The following ELOC variants were observed in gnomAD, a reference collection of about 807,000 sequenced individuals.
ELOC encodes the protein elongin-C.
For missense variants in ELOC, 38 were observed against 139.0 expected (o/e 0.27, Z 3.65); for synonymous variants, 40 against 51.3 (o/e 0.78, Z 0.94).
In ELOC at chr8:73,969,319, C is replaced by A. The variant is rs185242156; in HGVS notation, c.-51+2758G>T. 5.3e-4 allele frequency among the ~76,000 whole-genome samples: 80 copies of A among 151,806 alleles called. 1 individual carries two copies. Among genetic ancestry groups the A allele is most frequent in the Non-Finnish European group, 9.4e-4 (64 of 67,892 alleles). ...TATTCAAAAAACATTTTTTTTTGTT[C>A]GTTTTGTTCCTGGGAAGAAAGCAAA... On this transcript the variant is annotated intron_variant, in intron 1 of 3. Transcript: ENST00000520242.
At chr8:73,950,968 C>G (rs1202584129) in intron 3 of ELOC, among the ~76,000 whole-genome samples, 2 of 152,180 alleles carry the variant, frequency 1.3e-5, no homozygotes, top group African/African-American at 2.4e-5. Flanking sequence ...GATAATGACA[C>G]AACTTAAGAT....
chr8:73,949,224 T>C (rs1397419203), intron 3 of ELOC, among the ~76,000 whole-genome samples: 1 of 152,240 alleles, frequency 6.6e-6, no homozygotes, highest in East Asian at 1.9e-4. Flanking sequence ...GGGGGTATAC[T>C]GTAGCAGGGA....
intron 1 of ELOC, among the ~76,000 whole-genome samples, chr8:73,964,979 G>A (rs1467295269): frequency 7.0e-6 from 1 of 143,116 alleles, no homozygotes; most frequent in Non-Finnish European, 1.5e-5. Flanking sequence ...AGCAGGCCAT[G>A]ATGGTTCCAC....
At chr8:73,951,681 A>AC (rs1554594049) in intron 3 of ELOC, among the ~76,000 whole-genome samples, 27 of 145,918 alleles carry the variant, frequency 1.9e-4, no homozygotes, top group African/African-American at 4.6e-4. Context: ...AACAACAACA[A>AC]AACAACAGAC....
intron 1 of ELOC, among the ~76,000 whole-genome samples, chr8:73,962,049 C>T (rs1174898767): frequency 6.6e-6 from 1 of 151,756 alleles, no homozygotes; most frequent in Non-Finnish European, 1.5e-5. Flanking sequence ...GTGCATGGGA[C>T]CATGTCCAGC....
rs534068564 is a variant in ELOC, at chr8:73,967,654, A to C, written c.-51+4423T>G. Among the ~76,000 whole-genome samples, 21 of 152,134 alleles carry C rather than the reference A, an allele frequency of 1.4e-4. 1 individual carries two copies. The South Asian group carries it at 4.4e-3, about 32-fold the overall frequency. Reference sequence around the variant, plus strand: ...AGCTAATTATTTGTATTTTTAGTGGAGACAGGGTTTCACCATTTGGTCAGG... The same window carrying C: ...AGCTAATTATTTGTATTTTTAGTGGCGACAGGGTTTCACCATTTGGTCAGG... On this transcript the variant is annotated intron_variant, in intron 1 of 3. Transcript: ENST00000520242.
intron 1 of ELOC, among the ~76,000 whole-genome samples, chr8:73,968,174 C>A (rs1046022714): frequency 2.6e-5 from 4 of 152,210 alleles, no homozygotes; most frequent in African/African-American, 9.6e-5. Context: ...TATCTTGAGA[C>A]TCGGATAAAT....
intron 1 of ELOC, among the ~76,000 whole-genome samples, chr8:73,966,127 G>C (rs1814952768): frequency 6.6e-6 from 1 of 152,116 alleles, no homozygotes; most frequent in Non-Finnish European, 1.5e-5. Flanking sequence ...TATTTACCAA[G>C]GGTTAGGATG....
At chr8:73,963,397 T>C (rs920647628) in intron 1 of ELOC, among the ~76,000 whole-genome samples, 1 of 152,246 alleles carries the variant, frequency 6.6e-6, no homozygotes, top group African/African-American at 2.4e-5. Flanking sequence ...TGTTTCTTGT[T>C]AGGTCTACTT....
chr8:73,953,832 C>T (rs79983314), intron 3 of ELOC, among the ~76,000 whole-genome samples: 1,631 of 152,202 alleles, frequency 0.011, 30 homozygotes, highest in African/African-American at 0.037. Context: ...AGCAACTGCA[C>T]TTCTAAGAAG....
intron 3 of ELOC, among the ~76,000 whole-genome samples, chr8:73,948,318 G>C (rs1046102620): frequency 5.3e-5 from 8 of 152,070 alleles, no homozygotes; most frequent in Admixed American, 3.3e-4. Flanking sequence ...TTGGCGAGCA[G>C]GATGAAAAAG....
chr8:73,963,051 C>A (rs951094701), intron 1 of ELOC, among the ~76,000 whole-genome samples: 6 of 152,132 alleles, frequency 3.9e-5, no homozygotes, highest in African/African-American at 1.2e-4. Context: ...CGTAGGGGAA[C>A]CGCTGGATTG....
chr8:73,945,845 T>C lies in ELOC; in HGVS notation c.*785A>G, dbSNP rs994024284. The C allele has an allele frequency of 2.6e-5, 4 of 152,172 alleles. No individual in the cohort carries two copies. The highest frequency in any genetic ancestry group is 9.7e-5 in the African/African-American group (4 of 41,434). The allele number at this position is 152,172 out of a possible 1,614,324, so 9.4% of individuals were successfully genotyped here. A position where few individuals can be genotyped will look rare whatever the true frequency, so the allele number is the denominator to read the frequency against. On this transcript the variant is annotated 3_prime_UTR_variant, in exon 4 of 4. Coordinates refer to ENST00000520242, the MANE Select transcript of ELOC (RefSeq NM_005648.4). The stretch of plus-strand genomic sequence containing the variant: ...GTCTTTTAAAATACATTTAAACAAC[T>C]GGAAGTATAATCACAACAAGGGACT...
At chr8:73,963,544 CAT>C (rs1439266642) in intron 1 of ELOC, among the ~76,000 whole-genome samples, 2 of 152,114 alleles carry the variant, frequency 1.3e-5, no homozygotes, top group African/African-American at 4.8e-5. Flanking sequence ...TTGCAGAACT[CAT>C]ATAAGTTTTA....
chr8:73,970,796 G>T (rs1815305642), intron 1 of ELOC, among the ~76,000 whole-genome samples: 1 of 151,226 alleles, frequency 6.6e-6, no homozygotes, highest in Non-Finnish European at 1.5e-5. Flanking sequence ...GGAGGCGGGC[G>T]GATCACCTGA....
intron 1 of ELOC, among the ~76,000 whole-genome samples, chr8:73,970,420 T>C (rs943623822): frequency 1.3e-5 from 2 of 152,232 alleles, no homozygotes; most frequent in African/African-American, 2.4e-5. Flanking sequence ...GTGCCTATTA[T>C]ATTACAGAAT....
At position 73,955,965 on chromosome 8, in the gene ELOC, T is replaced by C; in HGVS notation, c.94A>G (p.Lys32Glu). 6.2e-7 allele frequency: 1 copy of C among 1,614,124 alleles called. No individual in the cohort carries two copies. Among genetic ancestry groups the C allele is most frequent in the South Asian group, 1.1e-5 (1 of 91,078 alleles). The change falls in exon 3 of 4, where the codon AAA becomes GAA. Residue 32 changes from lysine to glutamate, a missense_variant. By Grantham distance (56) the Lys-to-Glu change is moderately conservative. Transcript: ENST00000520242. Reference protein sequence around the residue: ...ISSDGHEFIVKREHALTSGTI... With the variant: ...ISSDGHEFIVEREHALTSGTI... Reference sequence around the variant, plus strand: ...CCTGATGTTAATGCATGTTCTCTTTTTACAATAAATTCATGGCCATCAGAT... The same window carrying C: ...CCTGATGTTAATGCATGTTCTCTTTCTACAATAAATTCATGGCCATCAGAT...
chr8:73,956,769 C>T (rs1008482880), intron 2 of ELOC, among the ~76,000 whole-genome samples: 3 of 152,172 alleles, frequency 2.0e-5, no homozygotes, highest in Admixed American at 1.3e-4. Context: ...CATGAGAGCT[C>T]GACTTCCTTT....
intron 1 of ELOC, among the ~76,000 whole-genome samples, chr8:73,963,508 G>C (rs1485939274): frequency 1.3e-5 from 2 of 152,112 alleles, no homozygotes; most frequent in African/African-American, 2.4e-5. Flanking sequence ...AATGTCCTAA[G>C]TTGATTTTGC....
Sources: allele counts gnomAD v4.1 joint callset (sites outside exome capture counted in the v4.1 genomes callset), GRCh38; gene constraint gnomAD v4.1.1; transcripts MANE v1.5; gene names NCBI Gene and HGNC (gene_info 2026-07-23, HGNC 2026-07-21).